Variants in TENM3 observed in about 807,000 individuals in gnomAD.
TENM3 encodes the protein teneurin transmembrane protein 3.
TENM3 carries 63 observed loss-of-function variants against 255.1 expected under a neutral mutation model. The observed-to-expected ratio is 0.25, with a 90% CI of 0.20 to 0.30. The LOEUF is 0.30. Among genes scored for constraint, TENM3 ranks in the 10% least tolerant of loss-of-function variants. The pLI, the probability that TENM3 is intolerant of heterozygous loss-of-function variation, is 1.00. For missense variants in TENM3, 2,929 were observed against 3,461.1 expected, an observed-to-expected ratio of 0.85 and a Z score of 3.86; for synonymous variants, 1,306 against 1,322.3, an observed-to-expected ratio of 0.99 and a Z score of 0.27.
the TENM3 span, among the ~76,000 whole-genome samples, chr4:181,939,593 C>T: frequency 1.3e-5 from 2 of 152,202 alleles, no homozygotes; most frequent in South Asian, 2.1e-4. Flanking sequence ...GGACCTCTTC[C>T]GTGATCTGTT....
At chr4:181,664,220 C>A in the TENM3 span, among the ~76,000 whole-genome samples, 1 of 152,132 alleles carries the variant, frequency 6.6e-6, no homozygotes, top group African/African-American at 2.4e-5. Context: ...GTAATCCCAG[C>A]ACTTTGGGAA....
At chr4:182,252,866 G>C (rs1758115831) in intron 1 of TENM3, among the ~76,000 whole-genome samples, 1 of 152,120 alleles carries the variant, frequency 6.6e-6, no homozygotes, top group African/African-American at 2.4e-5. Context: ...AGCAGTAGTT[G>C]CTCTTAGTTC....
chr4:181,942,402 A>C, the TENM3 span, among the ~76,000 whole-genome samples: 3 of 151,484 alleles, frequency 2.0e-5, no homozygotes, highest in Non-Finnish European at 4.4e-5. Flanking sequence ...GAGGTCCTTC[A>C]GGCCTTCTAA....
chr4:182,230,830 A>ATATATC (rs1756517527), intron 1 of TENM3, among the ~76,000 whole-genome samples: 1 of 106,542 alleles, frequency 9.4e-6, no homozygotes, highest in Non-Finnish European at 2.1e-5. Flanking sequence ...ATATATATAT[A>ATATATC]TATATATATA....
intron 12 of TENM3, among the ~76,000 whole-genome samples, chr4:182,694,750 C>G (rs766915195): frequency 6.6e-6 from 1 of 152,098 alleles, no homozygotes; most frequent in South Asian, 2.1e-4. Context: ...TTTGGGATGC[C>G]GAAGGTTAGA....
the TENM3 span, among the ~76,000 whole-genome samples, chr4:181,802,205 C>T: frequency 6.6e-6 from 1 of 152,162 alleles, no homozygotes; most frequent in Admixed American, 6.5e-5. Context: ...AGAATAGCAG[C>T]TATAATGGGT....
chr4:181,700,582 A>T, the TENM3 span, among the ~76,000 whole-genome samples: 1 of 152,206 alleles, frequency 6.6e-6, no homozygotes, highest in African/African-American at 2.4e-5. Flanking sequence ...AAGGATTTTG[A>T]TGAAATATTT....
chr4:182,569,271 C>G (rs1363363473), intron 3 of TENM3, among the ~76,000 whole-genome samples: 1 of 152,042 alleles, frequency 6.6e-6, no homozygotes, highest in Non-Finnish European at 1.5e-5. Flanking sequence ...AAGTAGGGTA[C>G]AGGCCAGGCG....
the TENM3 span, among the ~76,000 whole-genome samples, chr4:181,988,105 G>A: frequency 2.7e-3 from 405 of 152,134 alleles, no homozygotes; most frequent in African/African-American, 9.2e-3. Context: ...CTCGCCTCTC[G>A]TCCTCATGCC....
chr4:182,067,756 C>A, the TENM3 span, among the ~76,000 whole-genome samples: 1,080 of 152,270 alleles, frequency 7.1e-3, 25 homozygotes, highest in East Asian at 0.074. Flanking sequence ...AGGGATTAAC[C>A]ATTCTTGGTC....
At chr4:182,269,925 GTAAGGTATA>G (rs1440343554) in intron 1 of TENM3, among the ~76,000 whole-genome samples, 1 of 152,130 alleles carries the variant, frequency 6.6e-6, no homozygotes, top group Non-Finnish European at 1.5e-5. Context: ...ATCAACACAC[GTAAGGTATA>G]CACTGGTTTA....
At chr4:182,192,222 G>A (rs917692306) in intron 1 of TENM3, among the ~76,000 whole-genome samples, 3 of 152,150 alleles carry the variant, frequency 2.0e-5, no homozygotes, top group Non-Finnish European at 4.4e-5. Flanking sequence ...TACATACGTA[G>A]CAGAGTTTAA....
chr4:181,825,320 G>T, the TENM3 span, among the ~76,000 whole-genome samples: 1 of 134,724 alleles, frequency 7.4e-6, no homozygotes, highest in Non-Finnish European at 1.5e-5. Flanking sequence ...AGAATCACTT[G>T]AACCCGGGAG....
the TENM3 span, among the ~76,000 whole-genome samples, chr4:181,704,275 C>T: frequency 6.6e-6 from 1 of 152,184 alleles, no homozygotes; most frequent in Admixed American, 6.5e-5. Context: ...AGGGTCCAAC[C>T]CATGTTTCTC....
intron 23 of TENM3, 35 bp downstream of exon 23, chr4:182,773,682 C>G: frequency 6.3e-7 from 1 of 1,583,130 alleles, no homozygotes. Flanking sequence ...ACAAGTACCA[C>G]CAGCACCCAG....
In TENM3 at chr4:182,377,778, T is replaced by C. The variant is rs1383571992; in HGVS notation, c.511+30849T>C. 2.0e-5 allele frequency among the ~76,000 whole-genome samples: 3 copies of C among 152,258 alleles called. No homozygotes were observed. The East Asian group carries it at 5.8e-4, about 29-fold the overall frequency. ...TTCCCAAAGAGAATTATTCACATTA[T>C]GGGAAAGCAAGAGAGCCTGGTGATG... On this transcript the variant is annotated intron_variant, in intron 3 of 27. Transcript: ENST00000511685.
At chr4:181,963,127 C>T in the TENM3 span, among the ~76,000 whole-genome samples, 1 of 152,128 alleles carries the variant, frequency 6.6e-6, no homozygotes, top group Non-Finnish European at 1.5e-5. Flanking sequence ...CAGCATATTA[C>T]CACTGTAGCA....
chr4:182,156,173 T>A (rs1750689929), intron 1 of TENM3, among the ~76,000 whole-genome samples: 1 of 152,108 alleles, frequency 6.6e-6, no homozygotes, highest in Admixed American at 6.5e-5. Flanking sequence ...ATTATGACAG[T>A]GGTTATCAGG....
At chr4:182,473,219 A>G (rs903307236) in intron 3 of TENM3, among the ~76,000 whole-genome samples, 1 of 152,146 alleles carries the variant, frequency 6.6e-6, no homozygotes, top group Non-Finnish European at 1.5e-5. Context: ...AGCCATATAT[A>G]TATTTGGAAA....
Sources: allele counts gnomAD v4.1 joint callset (sites outside exome capture counted in the v4.1 genomes callset), GRCh38; gene constraint gnomAD v4.1.1; transcripts MANE v1.5; gene names NCBI Gene and HGNC (gene_info 2026-07-23, HGNC 2026-07-21).